C11orf65: variants seen among roughly 807,000 people sequenced by gnomAD.
The protein encoded by C11orf65 is protein MFI.
C11orf65 carries 38 observed loss-of-function variants against 35.3 expected under a neutral mutation model. The ratio of observed to expected loss-of-function variants is 1.08; its 90% CI spans 0.83 to 1.41. C11orf65 has a LOEUF of 1.41. C11orf65 is among the 40% of genes most tolerant of loss of function. The pLI, the probability that C11orf65 is intolerant of heterozygous loss-of-function variation, is 0.00. For synonymous variants in C11orf65, 105 were observed against 114.4 expected (o/e 0.92, Z 0.53); for missense variants, 370 against 367.1 (o/e 1.01, Z -0.06).
At chr11:108,406,365 C>T (rs1485638332) in intron 5 of C11orf65, among the ~76,000 whole-genome samples, 8 of 152,050 alleles carry the variant, frequency 5.3e-5, no homozygotes, top group South Asian at 4.2e-4. Flanking sequence ...CTCACTCTGT[C>T]GCCCAGGCTG....
chr11:108,401,947 C>G (rs2092447485), intron 6 of C11orf65, among the ~76,000 whole-genome samples: 1 of 152,196 alleles, frequency 6.6e-6, no homozygotes, highest in Non-Finnish European at 1.5e-5. Flanking sequence ...ATGGCCATAT[C>G]AGTAAGTTCG....
intron 2 of C11orf65, among the ~76,000 whole-genome samples, chr11:108,373,405 T>C (rs568744379): frequency 6.6e-6 from 1 of 152,314 alleles, no homozygotes; most frequent in African/African-American, 2.4e-5. Flanking sequence ...ACCTTGGTTA[T>C]CTCCAAAGAT....
exon 7 of C11orf65, chr11:108,308,884 G>A (rs1164579509): frequency 1.4e-6 from 1 of 731,242 alleles, no homozygotes; most frequent in Non-Finnish European, 2.3e-6. Context: ...CTTCTGAGGA[G>A]GCCTATCAGA....
At chr11:108,376,828 A>G (rs1432249675) in intron 2 of C11orf65, among the ~76,000 whole-genome samples, 4 of 150,974 alleles carry the variant, frequency 2.6e-5, no homozygotes, top group African/African-American at 4.8e-5. Flanking sequence ...AATACAAACT[A>G]CCATCAGAGA....
chr11:108,388,405 A>C (rs2092066508), intron 7 of C11orf65, among the ~76,000 whole-genome samples: 1 of 152,212 alleles, frequency 6.6e-6, no homozygotes, highest in Non-Finnish European at 1.5e-5. Flanking sequence ...TTTCTCACGA[A>C]GAAATTTGTA....
chr11:108,392,123 C>G (rs1240126305), intron 7 of C11orf65, among the ~76,000 whole-genome samples: 4 of 152,042 alleles, frequency 2.6e-5, no homozygotes. Context: ...TCATGGCTCA[C>G]TACAGCATCT....
chr11:108,326,849 G>A (rs985599058), downstream of C11orf65, among the ~76,000 whole-genome samples: 12 of 151,874 alleles, frequency 7.9e-5, no homozygotes, highest in South Asian at 2.1e-4. Context: ...TTTTTGAGAC[G>A]GAGTCTTGCT....
At chr11:108,396,834 AAAATAAAT>A (rs370728924) in intron 6 of C11orf65, among the ~76,000 whole-genome samples, 2,256 of 137,382 alleles carry the variant, frequency 0.016, 66 homozygotes, top group African/African-American at 0.052. Flanking sequence ...ACTCCGTCTT[AAAATAAAT>A]AAATAAATAA....
chr11:108,454,578 G>A (rs377214706), intron 2 of C11orf65, among the ~76,000 whole-genome samples: 6 of 152,064 alleles, frequency 3.9e-5, no homozygotes, highest in African/African-American at 7.2e-5. Flanking sequence ...GATTACAGGC[G>A]TGAGCCACTG....
intron 2 of C11orf65, chr11:108,354,941 A>C: frequency 3.0e-6 from 4 of 1,321,098 alleles, no homozygotes; most frequent in Non-Finnish European, 4.4e-6. Context: ...CTCATCAGGA[A>C]GTCACTGATG....
chr11:108,444,703 A>C (rs1321771958), intron 2 of C11orf65, among the ~76,000 whole-genome samples: 1 of 152,126 alleles, frequency 6.6e-6, no homozygotes, highest in Non-Finnish European at 1.5e-5. Flanking sequence ...TGATTTCTGA[A>C]TTTCCATCTG....
Position 108,464,663 on chromosome 11 carries a change from A to G in C11orf65, c.-10+2808T>C, listed in dbSNP as rs559799265. 2.6e-5 allele frequency among the ~76,000 whole-genome samples: 4 copies of G among 152,078 alleles called. No individual in the cohort carries two copies. The South Asian group carries it at 8.3e-4, about 32-fold the overall frequency. On this transcript the variant is annotated intron_variant, in intron 1 of 8. Coordinates refer to ENST00000393084, the MANE Select transcript of C11orf65 (RefSeq NM_152587.5). ...GCATGAGCCACTGCGCCTGGTGCACATATATATTTGAATTGACTCTCTCTG... is the reference window on the plus strand; with the variant it reads ...GCATGAGCCACTGCGCCTGGTGCACGTATATATTTGAATTGACTCTCTCTG...
intron 2 of C11orf65, among the ~76,000 whole-genome samples, chr11:108,445,326 C>A (rs12274479): frequency 0.18 from 27,520 of 152,076 alleles, 2,866 homozygotes; most frequent in African/African-American, 0.27. Context: ...GTCCCTGACC[C>A]CCGAGCAGCC....
intron 3 of C11orf65, among the ~76,000 whole-genome samples, chr11:108,422,898 C>G (rs1014815710): frequency 6.6e-6 from 1 of 150,624 alleles, no homozygotes; most frequent in Admixed American, 6.6e-5. Context: ...AAAAAAAAAG[C>G]TGGCCTGTAC....
At chr11:108,356,967 C>A (rs1227841797) in intron 2 of C11orf65, among the ~76,000 whole-genome samples, 1 of 152,208 alleles carries the variant, frequency 6.6e-6, no homozygotes, top group East Asian at 1.9e-4. Context: ...AGGAACAGCT[C>A]CGGTATACAG....
chr11:108,417,881 C>G (rs1292188718), intron 3 of C11orf65, among the ~76,000 whole-genome samples: 7 of 150,474 alleles, frequency 4.7e-5, no homozygotes, highest in Non-Finnish European at 1.0e-4. Flanking sequence ...CAAACCTGCA[C>G]ATTCTGCACA....
intron 7 of C11orf65, among the ~76,000 whole-genome samples, chr11:108,387,480 T>C (rs1409719499): frequency 6.6e-6 from 1 of 152,138 alleles, no homozygotes; most frequent in Admixed American, 6.6e-5. Flanking sequence ...GTCAACCCTG[T>C]GCTCCTGAAG....
intron 6 of C11orf65, chr11:108,325,942 C>T (rs1469636388): frequency 6.2e-6 from 8 of 1,296,096 alleles, no homozygotes; most frequent in Non-Finnish European, 8.7e-6. Flanking sequence ...AAGATAGTCC[C>T]TGACAAGTAG....
In C11orf65 at chr11:108,343,376, G is replaced by T. The variant is rs1305740166; in HGVS notation, c.227-8084C>A. The T allele has an allele frequency of 6.2e-7, 1 of 1,613,722 alleles. No homozygotes were observed. Among genetic ancestry groups the T allele is most frequent in the Non-Finnish European group, 8.5e-7 (1 of 1,179,760 alleles). On this transcript the variant is annotated intron_variant, in intron 2 of 3. Coordinates refer to the C11orf65 transcript ENST00000524755. ...CAGTGCCAAAAGAAAATGATGGTGA[G>T]TGACACCCAAAATTAAAGGTTATTG...
Sources: allele counts gnomAD v4.1 joint callset (sites outside exome capture counted in the v4.1 genomes callset), GRCh38; gene constraint gnomAD v4.1.1; transcripts MANE v1.5; gene names NCBI Gene and HGNC (gene_info 2026-07-23, HGNC 2026-07-21).